The following DERL1 variants were observed in gnomAD, a reference collection of about 807,000 sequenced individuals.
DERL1 encodes the protein derlin 1.
A neutral mutation model predicts 41.6 loss-of-function variants in DERL1; 24 were observed. The observed-to-expected ratio is 0.58, with a 90% confidence interval of 0.42 to 0.81. The LOEUF is 0.81. Among genes scored for constraint, DERL1 ranks in the 30% least tolerant of loss-of-function variants. DERL1 has a pLI of 0.00. For synonymous variants in DERL1, 124 were observed against 112.5 expected, an observed-to-expected ratio of 1.10 and a Z score of -0.65; for missense variants, 260 against 314.3, an observed-to-expected ratio of 0.83 and a Z score of 1.31.
intron 5 of DERL1, among the ~76,000 whole-genome samples, chr8:123,021,893 TC>T (rs1812555991): frequency 6.6e-6 from 1 of 152,300 alleles, no homozygotes; most frequent in Non-Finnish European, 1.5e-5. Flanking sequence ...ACATACCCCA[TC>T]TTTTTAGGTT....
At chr8:123,019,341 A>G in intron 6 of DERL1, 36 bp from the exon 7 acceptor site, 3 of 1,453,802 alleles carry the variant, frequency 2.1e-6, no homozygotes, top group Middle Eastern at 1.8e-4. Context: ...AAGACATTCA[A>G]GCAATAGAGA....
chr8:123,021,344 A>G (rs1814759801), intron 6 of DERL1, 103 bp downstream of exon 6: 6 of 1,079,142 alleles, frequency 5.6e-6, no homozygotes, highest in Non-Finnish European at 8.5e-6. Flanking sequence ...TAATGCGTCA[A>G]TGTTGAGATT....
At chr8:123,025,824 C>T (rs1254159181) in intron 2 of DERL1, 2 of 152,162 alleles carry the variant, frequency 1.3e-5, no homozygotes, top group Non-Finnish European at 2.9e-5. Flanking sequence ...GTCACATGAC[C>T]AAAGTCACAG....
Position 123,040,377 on chromosome 8 carries a change from G to A in DERL1, c.153+1593C>T, listed in dbSNP as rs537554924. ...GTTAGGAGGTAAACAACTGAGCCAC[G>A]GTTATCTTCCTCAGGCAGAGAAACA... On this transcript the variant is annotated intron_variant, in intron 1 of 7. Transcript: ENST00000259512. 2.6e-4 allele frequency among the ~76,000 whole-genome samples: 40 copies of A among 152,342 alleles called. 1 individual carries two copies. The South Asian group carries it at 8.1e-3, about 31-fold the overall frequency.
In DERL1 at chr8:123,014,426, G is replaced by A. The variant is rs1327180364; in HGVS notation, c.*1021C>T. 1 of 152,632 alleles carries A rather than the reference G, an allele frequency of 6.6e-6. No homozygotes were observed. Among genetic ancestry groups the A allele is most frequent in the South Asian group, 2.1e-4 (1 of 4,830 alleles). 9.5% of individuals were successfully genotyped at this position (152,632 alleles called of 1,614,324 possible). ...TAATTGAAACATGACCAAAAAACGG[G>A]GGATAGGCAAAAAAGTGACATTTAA... On this transcript the variant is annotated 3_prime_UTR_variant, in exon 8 of 8. Transcript: ENST00000259512.
At position 123,042,274 on chromosome 8, in the gene DERL1, C is replaced by T. The variant is rs931761846; in HGVS notation, c.-152G>A. 1 of 1,082,752 alleles carries T rather than the reference C, an allele frequency of 9.2e-7. No individual in the cohort carries two copies. Among genetic ancestry groups the T allele is most frequent in the African/African-American group, 1.6e-5 (1 of 61,524 alleles). 67.1% of individuals were successfully genotyped at this position (1,082,752 alleles called of 1,614,324 possible). A position where few individuals can be genotyped will look rare whatever the true frequency, so the allele number is the denominator to read the frequency against. On this transcript the variant is annotated 5_prime_UTR_variant, in exon 1 of 8. In the 5' UTR this introduces an upstream ATG that the reference lacks. Coordinates refer to ENST00000259512, the MANE Select transcript of DERL1 (RefSeq NM_024295.6). ...GCGGAGACGGGCGGACGTGGCGCCA[C>T]CGAATTCGGACCAGCGAGGCAGCCT...
intron 2 of DERL1, among the ~76,000 whole-genome samples, chr8:123,026,081 G>A (rs987297024): frequency 3.3e-5 from 5 of 151,886 alleles, no homozygotes; most frequent in Non-Finnish European, 5.9e-5. Flanking sequence ...GATACAGCTA[G>A]TCAATTTAAA....
chr8:123,041,466 A>C (rs766653259), intron 1 of DERL1, among the ~76,000 whole-genome samples: 5 of 152,238 alleles, frequency 3.3e-5, no homozygotes, highest in African/African-American at 9.6e-5. Flanking sequence ...AGGGAAATGC[A>C]GAACAATACA....
rs778517664 is a variant in DERL1 at position 123,042,147 on chromosome 8, G to A, written c.-25C>T. 75 of 1,578,114 alleles carry A rather than the reference G, an allele frequency of 4.8e-5. No homozygotes were observed. The highest frequency in any genetic ancestry group is 5.8e-5 in the Non-Finnish European group (67 of 1,157,358). On this transcript the variant is annotated 5_prime_UTR_variant, in exon 1 of 8. Coordinates refer to ENST00000259512, the MANE Select transcript of DERL1 (RefSeq NM_024295.6). ...TCTTCGACCCACAGGTAGCCAAGATGCACAAGACCGCCCGACTCCCCGTGC... is the reference window on the plus strand; with the variant it reads ...TCTTCGACCCACAGGTAGCCAAGATACACAAGACCGCCCGACTCCCCGTGC...
In DERL1 at chr8:123,015,200, T is replaced by C; in HGVS notation, c.*247A>G. The C allele has an allele frequency of 2.4e-6, 1 of 423,812 alleles. No individual in the cohort carries two copies. The highest frequency in any genetic ancestry group is 4.1e-5 in the East Asian group (1 of 24,198). 26.3% of individuals were successfully genotyped at this position (423,812 alleles called of 1,614,324 possible). On this transcript the variant is annotated 3_prime_UTR_variant, in exon 8 of 8. Transcript: ENST00000259512. The stretch of plus-strand genomic sequence containing the variant: ...GGGGAGAAGAGAAGACACCAAAAAA[T>C]GTAGTCAGTTTTGCAATTTGCACAG...
Position 123,023,727 on chromosome 8 carries a change from C to CT in DERL1, c.342dup (p.Ala115SerfsTer37). ...TGGACACTTACCTGCATATCCATTG[C>CT]TAAGCCAGTAATCTTGGTTTGTAAA... On this transcript the variant is annotated frameshift_variant, in exon 4 of 8. Coordinates refer to ENST00000259512, the MANE Select transcript of DERL1 (RefSeq NM_024295.6). LOFTEE classifies it high-confidence loss of function. 6.2e-7 allele frequency: 1 copy of CT among 1,610,626 alleles called. No homozygotes were observed. The highest frequency in any genetic ancestry group is 8.5e-7 in the Non-Finnish European group (1 of 1,178,442).
intron 3 of DERL1, 76 bp downstream of exon 3, chr8:123,024,910 C>CG (rs776519491): frequency 2.7e-5 from 39 of 1,440,778 alleles, no homozygotes; most frequent in Non-Finnish European, 3.6e-5. Context: ...GAAACGTTTA[C>CG]AGAATATGGT....
rs1298815897 is a variant in DERL1 at position 123,022,699 on chromosome 8, A to G, written c.438T>C (p.Phe146=). 1 of 1,614,174 alleles carries G rather than the reference A, an allele frequency of 6.2e-7. No individual in the cohort carries two copies. Among genetic ancestry groups the G allele is most frequent in the African/African-American group, 1.3e-5 (1 of 75,054 alleles). The change falls in exon 5 of 8, where the codon TTT becomes TTC. Residue 146 remains phenylalanine, a synonymous_variant. Transcript: ENST00000259512. The stretch of plus-strand genomic sequence containing the variant: ...GGCAAAGTACCTTAAATCGTGTTCC[A>G]AACCAAAATGATACAATCATGTCTC... ...LNRDMIVSFW[F]GTRFKACYLP...
chr8:123,030,440 A>T, intron 2 of DERL1, 165 bp downstream of exon 2: 1 of 524,398 alleles, frequency 1.9e-6, no homozygotes, highest in Non-Finnish European at 3.3e-6. Context: ...TTAAAAATTG[A>T]GTAAGCTAAG....
rs1814532155 is a variant in DERL1 at position 123,015,378 on chromosome 8, A to G, written c.*69T>C. On this transcript the variant is annotated 3_prime_UTR_variant, in exon 8 of 8. Transcript: ENST00000259512. ...GGTCCAACAGTGTTAGCCAGAACGC[A>G]GTTGTTAAGTGCACCCAGCACTGGG... 4.5e-6 allele frequency: 7 copies of G among 1,571,162 alleles called. No individual in the cohort carries two copies. In the Admixed American group the frequency reaches 1.2e-4, roughly 28 times the overall value.
intron 1 of DERL1, among the ~76,000 whole-genome samples, chr8:123,040,915 G>A (rs915373017): frequency 7.2e-5 from 11 of 152,206 alleles, no homozygotes; most frequent in Non-Finnish European, 1.5e-4. Context: ...CATCCAAGTC[G>A]TGATTTCAAG....
intron 1 of DERL1, among the ~76,000 whole-genome samples, chr8:123,038,118 A>C (rs1812966541): frequency 6.6e-6 from 1 of 152,214 alleles, no homozygotes; most frequent in South Asian, 2.1e-4. Flanking sequence ...TTCTAAACCA[A>C]CAAGCTACAC....
In DERL1 at chr8:123,025,022, A is replaced by G. The variant is rs762708589; in HGVS notation, c.294T>C (p.Tyr98=). Residue 98 remains tyrosine, a synonymous_variant, in exon 3 of 8, where the codon TAT becomes TAC. Coordinates refer to ENST00000259512, the MANE Select transcript of DERL1 (RefSeq NM_024295.6). ...TGAFDGRPAD[Y]LFMLLFNWIC... is the part of the protein sequence containing the mutation. ...TCCAGTTAAAGAGGAGCATGAATAA[A>G]TAGTCTGCTGGCCTCCCATCAAAAG... 5 of 1,613,878 alleles carry G rather than the reference A, an allele frequency of 3.1e-6. No homozygotes were observed. Among genetic ancestry groups the G allele is most frequent in the Non-Finnish European group, 4.2e-6 (5 of 1,179,976 alleles).
intron 7 of DERL1, chr8:123,018,863 A>G (rs893262920): frequency 1.2e-5 from 4 of 320,564 alleles, no homozygotes; most frequent in Non-Finnish European, 2.3e-5. Context: ...CACCCCACTA[A>G]CCTGTGACTC....
Sources: gnomAD v4.1 joint callset for allele counts (sites outside exome capture counted in the v4.1 genomes callset) on GRCh38, gnomAD v4.1.1 for gene constraint, MANE v1.5 for transcripts, NCBI Gene and HGNC (gene_info 2026-07-23, HGNC 2026-07-21) for gene names.